The following THEM5 variants were observed in gnomAD, a reference collection of about 807,000 sequenced individuals.
THEM5 encodes acyl-coenzyme A thioesterase THEM5.
THEM5 carries 28 observed loss-of-function variants against 24.2 expected under a neutral mutation model. The ratio of observed to expected loss-of-function variants is 1.16; its 90% confidence interval spans 0.86 to 1.59. THEM5 has a LOEUF of 1.59. Among genes scored for constraint, THEM5 ranks in the 40% most tolerant of loss-of-function variants. The pLI, the probability that THEM5 is intolerant of heterozygous loss-of-function variation, is 0.00. For missense variants in THEM5, 260 were observed against 296.8 expected, an observed-to-expected ratio of 0.88 and a Z score of 0.91; for synonymous variants, 87 against 114.5, an observed-to-expected ratio of 0.76 and a Z score of 1.53.
rs377192675 is a variant in THEM5 at position 151,848,299 on chromosome 1, G to A, written c.465-7C>T. On this transcript the variant is annotated splice_region_variant and splice_polypyrimidine_tract_variant and intron_variant, in intron 3 of 5. Coordinates refer to ENST00000368817, the MANE Select transcript of THEM5 (RefSeq NM_182578.4). Reference sequence around the variant, plus strand: ...GGACCCGCCGTGAGCAAACCTGGGGGTGGGGTAAGGTGAGGAGCAAGGCCT... The same window carrying A: ...GGACCCGCCGTGAGCAAACCTGGGGATGGGGTAAGGTGAGGAGCAAGGCCT... 3.2e-5 allele frequency: 52 copies of A among 1,612,958 alleles called. No homozygotes were observed. The highest frequency in any genetic ancestry group is 4.2e-5 in the Non-Finnish European group (50 of 1,179,102).
intron 3 of THEM5, 24 bp downstream of exon 3, chr1:151,851,029 C>T: frequency 6.2e-7 from 1 of 1,613,576 alleles, no homozygotes; most frequent in African/African-American, 1.3e-5. Flanking sequence ...CAGGAGGCAG[C>T]CAAGGTCCTA....
At position 151,852,391 on chromosome 1, in the gene THEM5, C is replaced by G. The variant is rs371038742; in HGVS notation, c.192G>C (p.Ser64=). 1 of 1,614,112 alleles carries G rather than the reference C, an allele frequency of 6.2e-7. No individual in the cohort carries two copies. Among genetic ancestry groups the G allele is most frequent in the Non-Finnish European group, 8.5e-7 (1 of 1,180,022 alleles). ...ATTCTTGGTACAGGCTCAGCATGTC[C>G]GAACACCAGCTGGCATTGGGAAGAG... ...DYALPNASWC[S]DMLSLYQEFL... is the part of the protein sequence containing the mutation. The change falls in exon 2 of 6, where the codon TCG becomes TCC. Residue 64 remains serine (S), a synonymous_variant. Transcript: ENST00000368817.
At chr1:151,849,473 T>G (rs1188696645) in intron 3 of THEM5, among the ~76,000 whole-genome samples, 1 of 152,316 alleles carries the variant, frequency 6.6e-6, no homozygotes, top group Non-Finnish European at 1.5e-5. Context: ...CTTCCCTCCC[T>G]GCTTCTTTAG....
intron 3 of THEM5, 41 bp from the exon 4 acceptor site, chr1:151,848,333 G>A: frequency 1.3e-6 from 2 of 1,519,606 alleles, no homozygotes; most frequent in Non-Finnish European, 1.8e-6. Flanking sequence ...CTGGGCTGGG[G>A]CTGCTGGGCA....
chr1:151,852,639 C>T lies in THEM5; in HGVS notation c.124-180G>A, dbSNP rs138504362. Among the ~76,000 whole-genome samples the T allele has an allele frequency of 2.9e-3, 437 of 151,454 alleles. 2 individuals carry two copies. Among genetic ancestry groups the T allele is most frequent in the African/African-American group, 0.01 (414 of 41,346 alleles). On this transcript the variant is annotated intron_variant, in intron 1 of 5. Transcript: ENST00000368817. ...GGGGGCTGCGGACCCCTATGGGTGA[C>T]GGGGCATAAGGATGCTAAAGAGCAA...
chr1:151,848,490 A>G (rs531542855), intron 3 of THEM5, among the ~76,000 whole-genome samples, 198 bp from the exon 4 acceptor site: 1 of 152,386 alleles, frequency 6.6e-6, no homozygotes, highest in Non-Finnish European at 1.5e-5. Context: ...ACCCGTCAAA[A>G]TCAACTGAGC....
Position 151,847,747 on chromosome 1 carries a change from T to G in THEM5, c.691A>C (p.Lys231Gln), listed in dbSNP as rs1274920863. Residue 231 changes from lysine to glutamine, a missense_variant, in exon 5 of 6, where the codon AAG (lysine) becomes CAG (glutamine). Physicochemically the swap from Lys to Gln is moderately conservative, Grantham distance 53. Coordinates refer to ENST00000368817, the MANE Select transcript of THEM5 (RefSeq NM_182578.4). ...CTGGGGGCTCCTTTACCTGAGGACT[T>G]GGCATAAACTGTCTGCTGGTCTCTG... ...HSRDQQTVYAKSSGVFLQLQL... is the reference protein window; with the variant it reads ...HSRDQQTVYAQSSGVFLQLQL... 6.2e-7 allele frequency: 1 copy of G among 1,613,366 alleles called. No homozygotes were observed. The highest frequency in any genetic ancestry group is 1.1e-5 in the South Asian group (1 of 91,034).
At chr1:151,849,111 C>T (rs1401386723) in intron 3 of THEM5, among the ~76,000 whole-genome samples, 3 of 151,470 alleles carry the variant, frequency 2.0e-5, no homozygotes, top group African/African-American at 7.3e-5. Context: ...CTCAGCTACT[C>T]GAGAGGCTGA....
chr1:151,848,203 CTT>C lies in THEM5; in HGVS notation c.552_553del (p.Leu186GlnfsTer24). 2 of 1,614,218 alleles carry C rather than the reference CTT, an allele frequency of 1.2e-6. No individual in the cohort carries two copies. The highest frequency in any genetic ancestry group is 4.5e-5 in the East Asian group (2 of 44,886). ...TTACTTTTTGAACCTGATGTTGAGACTTAGTGTGAACAGCCCCTCTCCAGCCA... is the reference window on the plus strand; with the variant it reads ...TTACTTTTTGAACCTGATGTTGAGACAGTGTGAACAGCCCCTCTCCAGCCA... On this transcript the variant is annotated frameshift_variant, in exon 4 of 6. Coordinates refer to ENST00000368817, the MANE Select transcript of THEM5 (RefSeq NM_182578.4). LOFTEE classifies it high-confidence loss of function.
chr1:151,852,487 A>T, intron 1 of THEM5, 28 bp from the exon 2 acceptor site: 5 of 1,612,134 alleles, frequency 3.1e-6, no homozygotes, highest in Non-Finnish European at 4.2e-6. Context: ...GAATGACTAG[A>T]CAGCATCCTG....
chr1:151,853,556 T>C lies in THEM5; in HGVS notation c.10A>G (p.Arg4Gly), dbSNP rs754356775. The C allele has an allele frequency of 6.2e-7, 1 of 1,612,614 alleles. No individual in the cohort carries two copies. The highest frequency in any genetic ancestry group is 8.5e-7 in the Non-Finnish European group (1 of 1,179,224). The part of the protein sequence containing the change: MIR[R>G]CFQVAARLGH... ...AGTCTTGCTGCCACCTGGAAGCATC[T>C]CCTTATCATGGCCAAGTGCAAGGAT... Residue 4 changes from arginine to glycine, a missense_variant, in exon 1 of 6, where the codon AGA becomes GGA. By Grantham distance (125) the Arg-to-Gly change is moderately radical. Transcript: ENST00000368817.
At position 151,853,518 on chromosome 1, in the gene THEM5, T is replaced by G. The variant is rs773075332; in HGVS notation, c.48A>C (p.Arg16Ser). The change falls in exon 1 of 6, where the codon AGA (arginine) becomes AGC (serine). Residue 16 changes from arginine to serine, a missense_variant. Arg to Ser is a moderately radical substitution (Grantham distance 110, BLOSUM62 -1). Transcript: ENST00000368817. Reference protein sequence around the residue: ...FQVAARLGHHRGLLEAPRILP... With the variant: ...FQVAARLGHHSGLLEAPRILP... ...GGATACGGGGGGCCTCAAGAAGGCC[T>G]CTGTGGTGGCCAAGTCTTGCTGCCA... is the stretch of plus-strand genomic sequence containing the variant. 6.2e-7 allele frequency: 1 copy of G among 1,613,840 alleles called. No individual in the cohort carries two copies. Among genetic ancestry groups the G allele is most frequent in the Non-Finnish European group, 8.5e-7 (1 of 1,179,860 alleles).
rs1299272134 is a variant in THEM5 at position 151,848,270 on chromosome 1, C to T, written c.487G>A (p.Ala163Thr). Residue 163 changes from alanine (A) to threonine (T), a missense_variant, in exon 4 of 6, where the codon GCA becomes ACA. Physicochemically the swap from Ala to Thr is moderately conservative, Grantham distance 58. Coordinates refer to ENST00000368817, the MANE Select transcript of THEM5 (RefSeq NM_182578.4). ...PPGFAHGGSLAAMMDETFSKT... is the reference protein window; with the variant it reads ...PPGFAHGGSLTAMMDETFSKT... ...GAAAAGGTCTCGTCCATCATGGCTG[C>T]CAGGGACCCGCCGTGAGCAAACCTG... The T allele has an allele frequency of 1.9e-6, 3 of 1,613,806 alleles. No individual in the cohort carries two copies. The highest frequency in any genetic ancestry group is 2.5e-6 in the Non-Finnish European group (3 of 1,179,944).
chr1:151,852,528 C>G, intron 1 of THEM5, 69 bp from the exon 2 acceptor site: 1 of 1,467,304 alleles, frequency 6.8e-7, no homozygotes, highest in Non-Finnish European at 9.5e-7. Flanking sequence ...CTCGGGACCT[C>G]TAAACAGCTG....
chr1:151,851,299 A>G (rs758939174), intron 2 of THEM5, 108 bp from the exon 3 acceptor site: 3 of 1,431,076 alleles, frequency 2.1e-6, no homozygotes, highest in Non-Finnish European at 1.9e-6. Context: ...AGAGAAAACC[A>G]GAGGACACCA....
intron 3 of THEM5, among the ~76,000 whole-genome samples, chr1:151,849,871 C>T (rs920677076): frequency 3.9e-5 from 6 of 152,178 alleles, no homozygotes; most frequent in African/African-American, 1.2e-4. Flanking sequence ...CTTCTCTAGA[C>T]CCCCAACCCC....
chr1:151,853,386 C>A (rs1456686863), intron 1 of THEM5, 57 bp downstream of exon 1: 10 of 1,582,174 alleles, frequency 6.3e-6, no homozygotes, highest in Admixed American at 1.7e-5. Flanking sequence ...TTGGGGTGCT[C>A]CTTAAGCCCT....
In THEM5 at chr1:151,848,253, C is replaced by T. The variant is rs1397765891; in HGVS notation, c.504G>A (p.Glu168=). ...CCAGGAAGGCAGTTTTAGAAAAGGT[C>T]TCGTCCATCATGGCTGCCAGGGACC... The part of the protein sequence containing the change: ...HGGSLAAMMD[E]TFSKTAFLAG... The change falls in exon 4 of 6, where the codon GAG becomes GAA. Residue 168 remains glutamate, a synonymous_variant. Transcript: ENST00000368817. The T allele has an allele frequency of 6.2e-7, 1 of 1,614,150 alleles. No homozygotes were observed. The highest frequency in any genetic ancestry group is 8.5e-7 in the Non-Finnish European group (1 of 1,180,012).
chr1:151,847,571 C>A (rs568005116), intron 5 of THEM5, among the ~76,000 whole-genome samples, 157 bp from the exon 6 acceptor site: 3 of 152,116 alleles, frequency 2.0e-5, no homozygotes, highest in Non-Finnish European at 4.4e-5. Context: ...AATCCTAGTT[C>A]TGCTCTCCCT....
Sources: gnomAD v4.1 joint callset for allele counts (sites outside exome capture counted in the v4.1 genomes callset) on GRCh38, gnomAD v4.1.1 for gene constraint, MANE v1.5 for transcripts, NCBI Gene and HGNC (gene_info 2026-07-23, HGNC 2026-07-21) for gene names.